The following TAFA1 variants were observed in gnomAD, a reference collection of about 807,000 sequenced individuals.
TAFA1 encodes chemokine-like protein TAFA-1.
A neutral mutation model predicts 18.5 loss-of-function variants in TAFA1; 4 were observed. The ratio of observed to expected loss-of-function variants is 0.22; its 90% CI spans 0.11 to 0.49. TAFA1 has a LOEUF of 0.49. Among genes scored for constraint, TAFA1 ranks in the 20% least tolerant of loss-of-function variants. The probability of loss-of-function intolerance (pLI) is 0.98; values close to 1 mark genes in which losing one functional copy is unlikely to be tolerated. For missense variants in TAFA1, 147 were observed against 169.0 expected (o/e 0.87, Z 0.72); for synonymous variants, 56 against 55.2 (o/e 1.01, Z -0.06).
intron 2 of TAFA1, among the ~76,000 whole-genome samples, chr3:68,411,395 C>A (rs1001868678): frequency 6.6e-6 from 1 of 152,162 alleles, no homozygotes; most frequent in Non-Finnish European, 1.5e-5. Context: ...AAATCCATGG[C>A]AGATTTGTTA....
chr3:68,444,679 C>G (rs906503961), intron 3 of TAFA1, among the ~76,000 whole-genome samples: 1 of 151,288 alleles, frequency 6.6e-6, no homozygotes. Context: ...TGTGTGTAAT[C>G]TCAGCACTTT....
chr3:68,311,500 C>T (rs1266108176), intron 2 of TAFA1, among the ~76,000 whole-genome samples: 3 of 150,950 alleles, frequency 2.0e-5, no homozygotes, highest in Admixed American at 1.3e-4. Flanking sequence ...TAAATACAAC[C>T]ATCCAAATGG....
chr3:68,125,634 G>A (rs539517953), intron 2 of TAFA1, among the ~76,000 whole-genome samples: 1 of 152,232 alleles, frequency 6.6e-6, no homozygotes, highest in South Asian at 2.1e-4. Context: ...CTGGAAGCAG[G>A]CTTAAATTCT....
At chr3:68,544,337 C>T in intron 4 of TAFA1, 149 bp from the exon 5 acceptor site, 1 of 712,586 alleles carries the variant, frequency 1.4e-6, no homozygotes, top group Non-Finnish European at 2.4e-6. Flanking sequence ...AATGACTGCT[C>T]TAAACTTTAA....
chr3:68,204,426 C>T (rs1214361848), intron 2 of TAFA1, among the ~76,000 whole-genome samples: 1 of 151,762 alleles, frequency 6.6e-6, no homozygotes, highest in South Asian at 2.1e-4. Flanking sequence ...AACCTTCCAA[C>T]CCCTTTGTCC....
At chr3:68,015,436 G>A (rs1704551098) in intron 2 of TAFA1, among the ~76,000 whole-genome samples, 1 of 151,962 alleles carries the variant, frequency 6.6e-6, no homozygotes, top group Non-Finnish European at 1.5e-5. Flanking sequence ...ACAGGCACAT[G>A]CCACCATGCC....
At chr3:68,402,917 G>A (rs72914732) in intron 2 of TAFA1, among the ~76,000 whole-genome samples, 7,350 of 152,222 alleles carry the variant, frequency 0.048, 478 homozygotes, top group African/African-American at 0.15. Context: ...AAGGGTGGGA[G>A]GCATCTCTTT....
chr3:68,321,551 TATA>T (rs2068697821), intron 2 of TAFA1, among the ~76,000 whole-genome samples: 1 of 152,222 alleles, frequency 6.6e-6, no homozygotes, highest in Non-Finnish European at 1.5e-5. Context: ...GAAAATGGCA[TATA>T]ATAATAAAAC....
At chr3:68,208,696 A>T (rs1443795940) in intron 2 of TAFA1, among the ~76,000 whole-genome samples, 3 of 151,946 alleles carry the variant, frequency 2.0e-5, no homozygotes, top group Non-Finnish European at 2.9e-5. Context: ...TCATCTCCCC[A>T]CAGGAAAAAA....
At chr3:68,406,687 C>T (rs541614611) in intron 2 of TAFA1, among the ~76,000 whole-genome samples, 1 of 152,192 alleles carries the variant, frequency 6.6e-6, no homozygotes, top group East Asian at 1.9e-4. Context: ...GGAGATATAT[C>T]CTCAGCCTTA....
chr3:68,373,473 C>T (rs1373662873), intron 2 of TAFA1, among the ~76,000 whole-genome samples: 2 of 152,264 alleles, frequency 1.3e-5, no homozygotes, highest in Non-Finnish European at 2.9e-5. Context: ...TCCATATCAA[C>T]TCAGGGAGAG....
At chr3:68,078,406 C>T (rs1311142717) in intron 2 of TAFA1, among the ~76,000 whole-genome samples, 1 of 152,134 alleles carries the variant, frequency 6.6e-6, no homozygotes, top group East Asian at 1.9e-4. Flanking sequence ...AAAGGGAATG[C>T]TTCCAATTTT....
At chr3:68,431,093 C>T (rs2071159855) in intron 3 of TAFA1, among the ~76,000 whole-genome samples, 3 of 151,852 alleles carry the variant, frequency 2.0e-5, no homozygotes, top group Non-Finnish European at 4.4e-5. Flanking sequence ...CTCCCTAACC[C>T]CCTACAAAAG....
intron 2 of TAFA1, among the ~76,000 whole-genome samples, chr3:68,156,793 T>C (rs964120158): frequency 6.6e-6 from 1 of 152,228 alleles, no homozygotes; most frequent in Middle Eastern, 3.4e-3. Flanking sequence ...ATAATAAGTC[T>C]TGTACTAGCT....
chr3:68,014,450 A>G (rs1704532078), intron 2 of TAFA1, among the ~76,000 whole-genome samples: 1 of 152,218 alleles, frequency 6.6e-6, no homozygotes, highest in Non-Finnish European at 1.5e-5. Context: ...AATGGTAATG[A>G]GGAAAGAGCA....
the TAFA1 span, among the ~76,000 whole-genome samples, chr3:67,994,224 T>G: frequency 6.6e-6 from 1 of 152,082 alleles, no homozygotes; most frequent in African/African-American, 2.4e-5. Flanking sequence ...GAATGGAAAA[T>G]TAAAGTGAAT....
intron 2 of TAFA1, among the ~76,000 whole-genome samples, chr3:68,174,297 T>A (rs948562369): frequency 1.3e-5 from 2 of 152,192 alleles, no homozygotes; most frequent in African/African-American, 2.4e-5. Context: ...GATCTCATCT[T>A]GGAGTCCCAC....
At chr3:68,191,211 A>AT (rs1421807316) in intron 2 of TAFA1, among the ~76,000 whole-genome samples, 1 of 151,788 alleles carries the variant, frequency 6.6e-6, no homozygotes, top group Non-Finnish European at 1.5e-5. Flanking sequence ...ATTATAATAT[A>AT]TATTTTTTCT....
At chr3:68,452,831 G>A (rs2071588583) in intron 3 of TAFA1, among the ~76,000 whole-genome samples, 1 of 152,092 alleles carries the variant, frequency 6.6e-6, no homozygotes, top group Admixed American at 6.6e-5. Flanking sequence ...GGCAAGCTTT[G>A]GGCAATCATT....
Sources: gnomAD v4.1 joint callset for allele counts (sites outside exome capture counted in the v4.1 genomes callset) on GRCh38, gnomAD v4.1.1 for gene constraint, MANE v1.5 for transcripts, NCBI Gene and HGNC (gene_info 2026-07-23, HGNC 2026-07-21) for gene names.